CSMD1: variants seen among roughly 807,000 people sequenced by gnomAD.
The protein encoded by CSMD1 is CUB and Sushi multiple domains 1.
A neutral mutation model predicts 417.5 loss-of-function variants in CSMD1; 213 were observed. The observed-to-expected ratio is 0.51, with a 90% CI of 0.46 to 0.57. The LOEUF is 0.57. Ranked by LOEUF, CSMD1 falls within the 20% of genes least tolerant of loss-of-function variation. The pLI is 0.00. For synonymous variants in CSMD1, 2,862 were observed against 1,736.8 expected (o/e 1.65, Z -16.11); for missense variants, 6,923 against 4,529.7 (o/e 1.53, Z -15.17).
intron 26 of CSMD1, among the ~76,000 whole-genome samples, chr8:3,232,369 C>T (rs189770611): frequency 6.6e-6 from 1 of 152,192 alleles, no homozygotes; most frequent in Non-Finnish European, 1.5e-5. Flanking sequence ...CTCTCTCCCC[C>T]TTGCTTGTAT....
chr8:3,719,319 A>C (rs1376047460), intron 6 of CSMD1, among the ~76,000 whole-genome samples: 1 of 152,048 alleles, frequency 6.6e-6, no homozygotes, highest in African/African-American at 2.4e-5. Context: ...GCTGAGCTCC[A>C]ATCTCACCCC....
At chr8:3,466,740 A>C (rs572522980) in intron 12 of CSMD1, among the ~76,000 whole-genome samples, 1 of 152,156 alleles carries the variant, frequency 6.6e-6, no homozygotes, top group Non-Finnish European at 1.5e-5. Flanking sequence ...GTTTTCTGAT[A>C]ATATAATTTA....
chr8:4,156,300 C>G (rs1563198481), intron 3 of CSMD1, among the ~76,000 whole-genome samples: 1 of 152,076 alleles, frequency 6.6e-6, no homozygotes, highest in Non-Finnish European at 1.5e-5. Flanking sequence ...ATGCTTTCTC[C>G]TTTTCAATGA....
At chr8:4,420,166 C>A in intron 2 of CSMD1, 101 bp from the exon 3 acceptor site, 1 of 707,076 alleles carries the variant, frequency 1.4e-6, no homozygotes, top group Non-Finnish European at 2.4e-6. Flanking sequence ...GTGGTATATT[C>A]ACTTGAAATA....
chr8:4,791,318 A>G (rs1797676123), intron 1 of CSMD1, among the ~76,000 whole-genome samples: 1 of 152,000 alleles, frequency 6.6e-6, no homozygotes, highest in African/African-American at 2.4e-5. Context: ...CTTTCTTACT[A>G]CTTCTTGGTG....
intron 12 of CSMD1, among the ~76,000 whole-genome samples, chr8:3,446,271 C>A (rs949366710): frequency 6.6e-6 from 1 of 152,202 alleles, no homozygotes; most frequent in African/African-American, 2.4e-5. Flanking sequence ...GAAACGTGTG[C>A]TGCATGGGCT....
intron 5 of CSMD1, among the ~76,000 whole-genome samples, chr8:3,981,768 C>A (rs1352287358): frequency 1.3e-5 from 2 of 152,188 alleles, no homozygotes; most frequent in African/African-American, 4.8e-5. Flanking sequence ...GTCCGACAGG[C>A]TGTGCGCTTC....
intron 5 of CSMD1, among the ~76,000 whole-genome samples, chr8:3,867,583 T>A (rs551410886): frequency 6.6e-6 from 1 of 152,144 alleles, no homozygotes; most frequent in Non-Finnish European, 1.5e-5. Flanking sequence ...TGTGTGGATA[T>A]CTGAAACCTA....
chr8:2,976,682 C>G (rs754579237), intron 55 of CSMD1, among the ~76,000 whole-genome samples: 19 of 152,132 alleles, frequency 1.2e-4, no homozygotes, highest in Non-Finnish European at 2.6e-4. Flanking sequence ...ATGCATAGGA[C>G]AAAGATCAGA....
At chr8:3,665,637 G>C (rs1176359832) in intron 7 of CSMD1, among the ~76,000 whole-genome samples, 1 of 152,184 alleles carries the variant, frequency 6.6e-6, no homozygotes, top group Non-Finnish European at 1.5e-5. Context: ...ATCCCTGAGA[G>C]AAATATTGAA....
At chr8:3,591,988 T>C (rs930143223) in intron 8 of CSMD1, among the ~76,000 whole-genome samples, 3 of 151,932 alleles carry the variant, frequency 2.0e-5, no homozygotes, top group Non-Finnish European at 2.9e-5. Flanking sequence ...GATTGATAGA[T>C]AAAAGACGGA....
At chr8:3,906,424 A>C (rs149782025) in intron 5 of CSMD1, among the ~76,000 whole-genome samples, 1 of 152,306 alleles carries the variant, frequency 6.6e-6, no homozygotes, top group African/African-American at 2.4e-5. Context: ...CATGATATAT[A>C]GTAATGTTTA....
chr8:4,213,788 G>A (rs1187204100), intron 3 of CSMD1, among the ~76,000 whole-genome samples: 2 of 152,144 alleles, frequency 1.3e-5, no homozygotes, highest in Non-Finnish European at 2.9e-5. Flanking sequence ...GGTGAGGGTG[G>A]AACGCAAACT....
chr8:3,177,372 G>A (rs1020852069), intron 37 of CSMD1, among the ~76,000 whole-genome samples: 2 of 152,180 alleles, frequency 1.3e-5, no homozygotes, highest in East Asian at 3.9e-4. Context: ...AGAAGGGCGT[G>A]AAACACCATG....
intron 10 of CSMD1, among the ~76,000 whole-genome samples, chr8:3,509,853 G>C (rs1387667313): frequency 6.6e-6 from 1 of 152,178 alleles, no homozygotes; most frequent in Non-Finnish European, 1.5e-5. Context: ...CAATTATCAG[G>C]TTGGACCCAA....
At chr8:3,030,865 T>C (rs1810298822) in intron 50 of CSMD1, among the ~76,000 whole-genome samples, 1 of 152,034 alleles carries the variant, frequency 6.6e-6, no homozygotes, top group Non-Finnish European at 1.5e-5. Flanking sequence ...TAGTCTTTTC[T>C]CAGTAATTTC....
Position 4,199,613 on chromosome 8 carries a change from T to A in CSMD1, c.416-167514A>T, listed in dbSNP as rs116791300. On this transcript the variant is annotated intron_variant, in intron 3 of 69. Coordinates refer to ENST00000635120, the MANE Select transcript of CSMD1 (RefSeq NM_033225.6). The stretch of plus-strand genomic sequence containing the variant: ...TTATCTTTGATTCCTCCTCAACGCC[T>A]TGCATTTTGCTTTGCATAAATAAAG... Among the ~76,000 whole-genome samples the A allele has an allele frequency of 2.0e-3, 311 of 152,324 alleles. 3 individuals carry two copies. Among genetic ancestry groups the A allele is most frequent in the African/African-American group, 6.9e-3 (288 of 41,580 alleles).
intron 1 of CSMD1, among the ~76,000 whole-genome samples, chr8:4,723,906 C>T (rs1809241113): frequency 6.6e-6 from 1 of 151,908 alleles, no homozygotes; most frequent in African/African-American, 2.4e-5. Flanking sequence ...ATTTGTCCTG[C>T]ATATACAGAT....
intron 10 of CSMD1, among the ~76,000 whole-genome samples, chr8:3,498,976 A>T (rs28582711): frequency 6.6e-6 from 1 of 152,126 alleles, no homozygotes; most frequent in African/African-American, 2.4e-5. Flanking sequence ...TAAAAATCAT[A>T]TAGGCATTTT....
Sources: allele counts gnomAD v4.1 joint callset (sites outside exome capture counted in the v4.1 genomes callset), GRCh38; gene constraint gnomAD v4.1.1; transcripts MANE v1.5; gene names NCBI Gene and HGNC (gene_info 2026-07-23, HGNC 2026-07-21).